ASTN2: variants seen among roughly 807,000 people sequenced by gnomAD.
ASTN2 encodes astrotactin-2.
ASTN2 carries 54 observed loss-of-function variants against 139.8 expected under a neutral mutation model. That is an observed-to-expected ratio of 0.39 (90% CI 0.31 to 0.48). ASTN2 has a LOEUF of 0.48. ASTN2 is among the 20% of genes least tolerant of loss of function. The pLI is 0.95. For missense variants in ASTN2, 1,565 were observed against 1,725.1 expected (o/e 0.91, Z 1.64); for synonymous variants, 756 against 719.5 (o/e 1.05, Z -0.81).
chr9:116,692,651 C>G (rs1411438315), intron 16 of ASTN2, among the ~76,000 whole-genome samples: 1 of 152,176 alleles, frequency 6.6e-6, no homozygotes, highest in Non-Finnish European at 1.5e-5. Flanking sequence ...CTTCCTTAAT[C>G]TATATAATAC....
chr9:116,498,093 T>C (rs1453118615), intron 19 of ASTN2, among the ~76,000 whole-genome samples: 4 of 152,208 alleles, frequency 2.6e-5, no homozygotes, highest in Non-Finnish European at 5.9e-5. Context: ...GTTGAAGTTA[T>C]GATTCTTATT....
chr9:117,400,132 T>C (rs1341632843), intron 1 of ASTN2, among the ~76,000 whole-genome samples: 2 of 152,208 alleles, frequency 1.3e-5, no homozygotes, highest in Non-Finnish European at 2.9e-5. Flanking sequence ...TGAAAGAGAC[T>C]TGGCTCTTAC....
At chr9:116,782,788 C>G (rs1330632312) in intron 13 of ASTN2, among the ~76,000 whole-genome samples, 2 of 149,910 alleles carry the variant, frequency 1.3e-5, no homozygotes, top group African/African-American at 5.1e-5. Context: ...TTTTCTTCAC[C>G]TAACAATCTC....
At chr9:117,343,463 G>A (rs1475879237) in intron 1 of ASTN2, among the ~76,000 whole-genome samples, 1 of 152,158 alleles carries the variant, frequency 6.6e-6, no homozygotes, top group Non-Finnish European at 1.5e-5. Flanking sequence ...GAACTGCTGT[G>A]ATGTCATTGA....
chr9:116,623,387 C>G (rs938117742), intron 17 of ASTN2, among the ~76,000 whole-genome samples: 2 of 152,056 alleles, frequency 1.3e-5, no homozygotes, highest in Non-Finnish European at 2.9e-5. Flanking sequence ...AATGGCCAGG[C>G]AAACACTGGT....
At chr9:117,005,904 T>A (rs1432648661) in intron 7 of ASTN2, among the ~76,000 whole-genome samples, 10 of 152,054 alleles carry the variant, frequency 6.6e-5, no homozygotes, top group South Asian at 2.1e-4. Flanking sequence ...GTGCCTTCTG[T>A]TTGAAGAAGC....
intron 7 of ASTN2, among the ~76,000 whole-genome samples, chr9:116,992,733 C>T (rs761726831): frequency 7.9e-5 from 12 of 152,162 alleles, no homozygotes; most frequent in Non-Finnish European, 1.2e-4. Context: ...GGACACACAA[C>T]GAGCAGGTTC....
Position 117,056,893 on chromosome 9 carries a change from C to A in ASTN2, c.1277-16928G>T, listed in dbSNP as rs115369838. ...GAGTAAGCAACAGAGCTATCCATTA[C>A]TAGTTGAGAATGCTGATACAAGGAA... On this transcript the variant is annotated intron_variant, in intron 5 of 22. Transcript: ENST00000313400. Among the ~76,000 whole-genome samples, 1,191 of 152,300 alleles carry A rather than the reference C, an allele frequency of 7.8e-3. 13 individuals carry two copies. The highest frequency in any genetic ancestry group is 0.027 in the African/African-American group (1,104 of 41,562).
chr9:116,756,329 C>T (rs1194637177), intron 13 of ASTN2, among the ~76,000 whole-genome samples: 1 of 152,156 alleles, frequency 6.6e-6, no homozygotes, highest in Non-Finnish European at 1.5e-5. Context: ...ATTATAGAAC[C>T]TATCTAAACC....
At chr9:117,055,118 C>T (rs771353241) in intron 5 of ASTN2, among the ~76,000 whole-genome samples, 1 of 152,180 alleles carries the variant, frequency 6.6e-6, no homozygotes, top group Non-Finnish European at 1.5e-5. Flanking sequence ...AGTCTGCAGC[C>T]TGGGGGACCC....
chr9:116,690,439 C>G (rs1860507761), intron 16 of ASTN2, among the ~76,000 whole-genome samples: 1 of 152,192 alleles, frequency 6.6e-6, no homozygotes, highest in Non-Finnish European at 1.5e-5. Context: ...TCCAACCCTT[C>G]AGAGCCCCTA....
chr9:117,030,532 T>A (rs942761336), intron 6 of ASTN2, among the ~76,000 whole-genome samples: 31 of 152,270 alleles, frequency 2.0e-4, no homozygotes, highest in African/African-American at 7.0e-4. Flanking sequence ...CAAGCTAACA[T>A]CTTAGCACAG....
At chr9:116,957,224 T>C (rs1341492777) in intron 10 of ASTN2, among the ~76,000 whole-genome samples, 2 of 152,178 alleles carry the variant, frequency 1.3e-5, no homozygotes, top group African/African-American at 4.8e-5. Context: ...CGAATACATG[T>C]ACATATGCGT....
At chr9:117,005,673 G>GT (rs1837333681) in intron 7 of ASTN2, among the ~76,000 whole-genome samples, 1 of 151,994 alleles carries the variant, frequency 6.6e-6, no homozygotes, top group Non-Finnish European at 1.5e-5. Flanking sequence ...TCCTTTACAG[G>GT]TATCATTCAG....
chr9:117,232,769 T>G (rs889632582), intron 2 of ASTN2, among the ~76,000 whole-genome samples: 3 of 152,198 alleles, frequency 2.0e-5, no homozygotes, highest in African/African-American at 7.2e-5. Context: ...TATTGTCTCT[T>G]CTCCCTTTGT....
In ASTN2 at chr9:117,119,155, G is replaced by T. The variant is rs147490635; in HGVS notation, c.1168+22171C>A. On this transcript the variant is annotated intron_variant, in intron 4 of 22. Coordinates refer to ENST00000313400, the MANE Select transcript of ASTN2 (RefSeq NM_001365068.1). Reference sequence around the variant, plus strand: ...CAGAAAAATTTAAAGCTAAACAGTAGAAAGAAAAATTGTAAATTGCCCACT... The same window carrying T: ...CAGAAAAATTTAAAGCTAAACAGTATAAAGAAAAATTGTAAATTGCCCACT... 8.1e-3 allele frequency among the ~76,000 whole-genome samples: 1,229 copies of T among 152,206 alleles called. 10 individuals are homozygous for T. Among genetic ancestry groups the T allele is most frequent in the Middle Eastern group, 0.031 (9 of 294 alleles).
chr9:116,822,216 T>C (rs1440639588), intron 11 of ASTN2, among the ~76,000 whole-genome samples: 1 of 152,012 alleles, frequency 6.6e-6, no homozygotes, highest in Non-Finnish European at 1.5e-5. Flanking sequence ...GTCAGCCCTC[T>C]TGGAAATTAA....
chr9:117,039,589 A>C (rs534043236), intron 6 of ASTN2, among the ~76,000 whole-genome samples: 1 of 152,210 alleles, frequency 6.6e-6, no homozygotes, highest in African/African-American at 2.4e-5. Context: ...CCAAACTTAG[A>C]GTAAAAGGAA....
chr9:117,142,827 C>T (rs1012456924), intron 3 of ASTN2, among the ~76,000 whole-genome samples: 4 of 152,160 alleles, frequency 2.6e-5, no homozygotes, highest in Admixed American at 6.5e-5. Context: ...CAAAGACAGC[C>T]CTGACTTTGA....
Sources: allele counts gnomAD v4.1 joint callset (sites outside exome capture counted in the v4.1 genomes callset), GRCh38; gene constraint gnomAD v4.1.1; transcripts MANE v1.5; gene names NCBI Gene and HGNC (gene_info 2026-07-23, HGNC 2026-07-21).